Variants in CALR3 observed in about 807,000 individuals in gnomAD.
CALR3 encodes the protein calreticulin-3.
CALR3 carries 39 observed loss-of-function variants against 48.7 expected under a neutral mutation model. The observed-to-expected ratio is 0.80, with a 90% CI of 0.62 to 1.05. The LOEUF (loss-of-function observed/expected upper bound fraction) is 1.05. Among genes scored for constraint, CALR3 ranks in the 50% least tolerant of loss-of-function variants. The pLI, the probability that CALR3 is intolerant of heterozygous loss-of-function variation, is 0.00. For missense variants in CALR3, 449 were observed against 474.7 expected (o/e 0.95, Z 0.50); for synonymous variants, 185 against 172.7 (o/e 1.07, Z -0.56).
intron 4 of CALR3, among the ~76,000 whole-genome samples, chr19:16,484,396 C>A (rs892199678): frequency 3.3e-5 from 5 of 151,488 alleles, no homozygotes; most frequent in Non-Finnish European, 1.5e-5. Flanking sequence ...AGGCTGGTCT[C>A]GAACTCCTGA....
At position 16,485,294 on chromosome 19, in the gene CALR3, T is replaced by G; in HGVS notation, c.398-37A>C. On this transcript the variant is annotated intron_variant, in intron 3 of 8. Coordinates refer to ENST00000269881, the MANE Select transcript of CALR3 (RefSeq NM_145046.5). ...ATTAGCTGCTCTCAATTTCTTTCCA[T>G]AATGCATCACCGTAGAATAACCAAC... The G allele has an allele frequency of 3.7e-6, 5 of 1,337,538 alleles. 1 individual carries two copies. The South Asian group carries it at 5.9e-5, about 16-fold the overall frequency. 82.9% of individuals were successfully genotyped at this position (1,337,538 alleles called of 1,614,324 possible).
chr19:16,485,325 AC>A, intron 3 of CALR3, 68 bp from the exon 4 acceptor site: 2 of 972,868 alleles, frequency 2.1e-6, no homozygotes, highest in South Asian at 2.8e-5. Flanking sequence ...CCAACCCACA[AC>A]CATTCTTTTT....
In CALR3 at chr19:16,482,446, TG is replaced by T; in HGVS notation, c.918+3del. On this transcript the variant is annotated splice_donor_region_variant and intron_variant, in intron 7 of 8. Coordinates refer to ENST00000269881, the MANE Select transcript of CALR3 (RefSeq NM_145046.5). The stretch of plus-strand genomic sequence containing the variant: ...AATCTAAAGTAAAGTTAAAACCAAA[TG>T]ACCTGCCAAAGCTCCAGGCCAATGG... 6.2e-7 allele frequency: 1 copy of T among 1,614,168 alleles called. No homozygotes were observed. Among genetic ancestry groups the T allele is most frequent in the Non-Finnish European group, 8.5e-7 (1 of 1,180,026 alleles).
chr19:16,495,974 G>T, intron 1 of CALR3, 65 bp downstream of exon 1: 1 of 1,566,070 alleles, frequency 6.4e-7, no homozygotes, highest in South Asian at 1.1e-5. Context: ...GGCGACTCTG[G>T]CCAGCCTTAG....
At chr19:16,481,460 A>T (rs1599716940) in intron 7 of CALR3, among the ~76,000 whole-genome samples, 1 of 136,930 alleles carries the variant, frequency 7.3e-6, no homozygotes. Flanking sequence ...TTTGAGACTT[A>T]GTCTCGCTCT....
chr19:16,495,384 C>T (rs989539698), intron 2 of CALR3, among the ~76,000 whole-genome samples: 1 of 151,312 alleles, frequency 6.6e-6, no homozygotes. Context: ...CCAACGTGGA[C>T]CCTGTCTCTA....
At chr19:16,491,543 C>G (rs1436541014) in intron 2 of CALR3, among the ~76,000 whole-genome samples, 1 of 151,274 alleles carries the variant, frequency 6.6e-6, no homozygotes, top group Admixed American at 6.6e-5. Context: ...CTTTGGGAGG[C>G]TGAGGCAGGC....
At chr19:16,484,239 A>G (rs1460608522) in intron 4 of CALR3, 124 bp from the exon 5 acceptor site, 1 of 896,396 alleles carries the variant, frequency 1.1e-6, no homozygotes, top group Non-Finnish European at 1.7e-6. Context: ...GCGCTGTGGC[A>G]CAATCTCGGC....
At chr19:16,487,731 A>G (rs1018823360) in intron 3 of CALR3, among the ~76,000 whole-genome samples, 4 of 151,680 alleles carry the variant, frequency 2.6e-5, no homozygotes, top group Non-Finnish European at 2.9e-5. Context: ...TCTGCCTCCC[A>G]GGTTCAGGTG....
chr19:16,490,108 T>C (rs1444998350), intron 3 of CALR3, among the ~76,000 whole-genome samples: 11 of 152,308 alleles, frequency 7.2e-5, no homozygotes, highest in Non-Finnish European at 1.3e-4. Context: ...AAGGTATCCT[T>C]ACCCTGCATG....
chr19:16,489,139 A>G (rs7251415), intron 3 of CALR3, among the ~76,000 whole-genome samples: 127,819 of 152,274 alleles, frequency 0.84, 53,816 homozygotes, highest in South Asian at 0.89. Flanking sequence ...AAACACAGGC[A>G]GTGGGCCAAT....
At chr19:16,486,558 T>C (rs1457408204) in intron 3 of CALR3, among the ~76,000 whole-genome samples, 1 of 147,438 alleles carries the variant, frequency 6.8e-6, no homozygotes, top group Non-Finnish European at 1.5e-5. Flanking sequence ...AGGCGGAGGT[T>C]GCAATGAGCC....
intron 2 of CALR3, among the ~76,000 whole-genome samples, chr19:16,492,122 C>T (rs979595802): frequency 2.0e-4 from 31 of 152,134 alleles, no homozygotes; most frequent in Admixed American, 2.0e-4. Flanking sequence ...AACCACTGTG[C>T]CTGGCCTAAA....
intron 2 of CALR3, among the ~76,000 whole-genome samples, chr19:16,492,833 T>C (rs2093400146): frequency 7.2e-6 from 1 of 138,868 alleles, no homozygotes; most frequent in Admixed American, 8.0e-5. Context: ...CTGCACTCCA[T>C]CCTGGGCTAC....
At chr19:16,480,769 A>C (rs1395020588) in intron 7 of CALR3, 63 bp from the exon 8 acceptor site, 8 of 1,241,490 alleles carry the variant, frequency 6.4e-6, no homozygotes, top group Non-Finnish European at 9.3e-6. Context: ...TTTATTTTTC[A>C]TTTCTTTTTT....
chr19:16,484,857 C>T (rs2093386791), intron 4 of CALR3, among the ~76,000 whole-genome samples: 2 of 152,134 alleles, frequency 1.3e-5, no homozygotes, highest in South Asian at 4.1e-4. Context: ...ATATTTCATT[C>T]ATTAATGAGG....
rs1457763567 is a variant in CALR3 at position 16,482,488 on chromosome 19, A to T, written c.880T>A (p.Phe294Ile). ...AGGCCAATGGCACCAATGTTCTCAAATTCTGAGAGGTCATACTGCGTCAAA... is the reference window on the plus strand; with the variant it reads ...AGGCCAATGGCACCAATGTTCTCAATTTCTGAGAGGTCATACTGCGTCAAA... ...DYLTQYDLSE[F>I]ENIGAIGLEL... Residue 294 changes from phenylalanine (F) to isoleucine (I), a missense_variant, in exon 7 of 9, where the codon TTT (phenylalanine) becomes ATT (isoleucine). Transcript: ENST00000269881. 1.2e-6 allele frequency: 2 copies of T among 1,614,240 alleles called. No homozygotes were observed.
intron 2 of CALR3, among the ~76,000 whole-genome samples, chr19:16,492,857 G>A (rs867252707): frequency 1.1e-5 from 1 of 91,568 alleles, no homozygotes; most frequent in Non-Finnish European, 2.2e-5. Context: ...GCGAGACTCC[G>A]TCTCAAAAAA....
chr19:16,482,151 A>C (rs921641398), intron 7 of CALR3, among the ~76,000 whole-genome samples: 2 of 146,612 alleles, frequency 1.4e-5, no homozygotes, highest in Non-Finnish European at 3.0e-5. Flanking sequence ...CTTGTGATCC[A>C]CCCGCCTCAG....
Sources: gnomAD v4.1 joint callset for allele counts (sites outside exome capture counted in the v4.1 genomes callset) on GRCh38, gnomAD v4.1.1 for gene constraint, MANE v1.5 for transcripts, NCBI Gene and HGNC (gene_info 2026-07-23, HGNC 2026-07-21) for gene names.